The following TNS1 variants were observed in gnomAD, a reference collection of about 807,000 sequenced individuals.
TNS1 encodes tensin 1.
TNS1 carries 62 observed loss-of-function variants against 168.6 expected under a neutral mutation model. The ratio of observed to expected loss-of-function variants is 0.37; its 90% CI spans 0.30 to 0.45. The LOEUF is 0.45. TNS1 is among the 20% of genes least tolerant of loss of function. The pLI is 1.00. For synonymous variants in TNS1, 934 were observed against 933.2 expected, an observed-to-expected ratio of 1.00 and a Z score of -0.02; for missense variants, 2,240 against 2,339.4, an observed-to-expected ratio of 0.96 and a Z score of 0.88.
Position 217,835,998 on chromosome 2 carries a change from A to G in TNS1, c.3204+17T>C. The G allele has an allele frequency of 1.9e-6, 3 of 1,602,128 alleles. No individual in the cohort carries two copies. Among genetic ancestry groups the G allele is most frequent in the Non-Finnish European group, 2.6e-6 (3 of 1,171,424 alleles). On this transcript the variant is annotated intron_variant, in intron 20 of 32. Transcript: ENST00000682258. Reference sequence around the variant, plus strand: ...CCACTACCCTCCATAGCCCCAAGATACAGCTTAAGGACTCACCTCTTTGGG... The same window carrying G: ...CCACTACCCTCCATAGCCCCAAGATGCAGCTTAAGGACTCACCTCTTTGGG...
At chr2:217,827,036 C>T (rs2571435) in intron 22 of TNS1, among the ~76,000 whole-genome samples, 40,353 of 151,928 alleles carry the variant, frequency 0.27, 5,396 homozygotes, top group Middle Eastern at 0.33. Context: ...GAATTCCAAA[C>T]ATTTTAGATT....
rs115641874 is a variant in TNS1 at position 217,903,380 on chromosome 2, G to A, written c.322-2868C>T. Among the ~76,000 whole-genome samples, 595 of 152,276 alleles carry A rather than the reference G, an allele frequency of 3.9e-3. 4 individuals carry two copies. Among genetic ancestry groups the A allele is most frequent in the African/African-American group, 0.013 (540 of 41,546 alleles). ...TCACATAATCTTCTGCCTACTCCGC[G>A]TGGAGCCCCTAGGGAAAACGACTAC... On this transcript the variant is annotated intron_variant, in intron 6 of 32. Transcript: ENST00000682258.
intron 3 of TNS1, among the ~76,000 whole-genome samples, chr2:217,939,105 G>A (rs940076505): frequency 1.3e-5 from 2 of 152,026 alleles, no homozygotes; most frequent in African/African-American, 4.8e-5. Flanking sequence ...GCCAGACACC[G>A]CCCAAAGTGT....
chr2:217,996,020 CG>C (rs1401769770), intron 1 of TNS1, among the ~76,000 whole-genome samples: 1 of 152,166 alleles, frequency 6.6e-6, no homozygotes, highest in Non-Finnish European at 1.5e-5. Flanking sequence ...ACAGCCTTGG[CG>C]AGAGTCCTTG....
chr2:217,816,214 G>A (rs770785366), intron 24 of TNS1, among the ~76,000 whole-genome samples: 3 of 152,084 alleles, frequency 2.0e-5, no homozygotes, highest in South Asian at 2.1e-4. Flanking sequence ...CAGGATGTGC[G>A]GCCCTCACTC....
intron 1 of TNS1, among the ~76,000 whole-genome samples, chr2:217,998,005 G>A (rs1164600363): frequency 6.6e-6 from 1 of 152,186 alleles, no homozygotes; most frequent in Non-Finnish European, 1.5e-5. Context: ...GAAAGAGAAC[G>A]TGGGGCTACA....
Position 218,033,650 on chromosome 2 carries a change from A to C in TNS1, c.156+170T>G, listed in dbSNP as rs945589665. On this transcript the variant is annotated intron_variant, in intron 1 of 1. Transcript: ENST00000649572. This position sits in a 1 kb window ranked among gnomAD's most constrained non-coding sequence, Gnocchi z 4.3. ...CCTCTACCCAACTGGAGGCCCCTTC[A>C]CCCGGTCGTGGTCCTTCCTCCCCCT... Among the ~76,000 whole-genome samples, 1 of 151,826 alleles carries C rather than the reference A, an allele frequency of 6.6e-6. No homozygotes were observed. The highest frequency in any genetic ancestry group is 2.4e-5 in the African/African-American group (1 of 41,312).
intron 4 of TNS1, among the ~76,000 whole-genome samples, chr2:217,917,003 C>T (rs1270882232): frequency 6.6e-6 from 1 of 152,218 alleles, no homozygotes; most frequent in Non-Finnish European, 1.5e-5. Context: ...GCCCTTTCCT[C>T]CCTCTTGTGA....
At chr2:217,994,176 C>A (rs1197733561) in intron 1 of TNS1, among the ~76,000 whole-genome samples, 3 of 152,156 alleles carry the variant, frequency 2.0e-5, no homozygotes, top group African/African-American at 4.8e-5. Flanking sequence ...GGGCCTCACT[C>A]TCTGACCCCC....
intron 18 of TNS1, chr2:217,859,770 AC>A: frequency 7.9e-7 from 1 of 1,269,148 alleles, no homozygotes; most frequent in Non-Finnish European, 1.1e-6. Flanking sequence ...GTTCCCAACC[AC>A]CCAGATCCGA....
intron 22 of TNS1, chr2:217,829,937 G>T: frequency 1.2e-6 from 2 of 1,607,440 alleles, no homozygotes; most frequent in South Asian, 1.1e-5. Flanking sequence ...AAGAAGGGCA[G>T]GTGGTGAAGA....
intron 3 of TNS1, among the ~76,000 whole-genome samples, chr2:217,965,350 T>C (rs1279078882): frequency 6.6e-6 from 1 of 152,188 alleles, no homozygotes; most frequent in African/African-American, 2.4e-5. Context: ...ACCATTTTTA[T>C]ACAGCTGAGG....
chr2:217,979,776 T>A (rs536241096), intron 2 of TNS1, among the ~76,000 whole-genome samples: 22 of 152,072 alleles, frequency 1.4e-4, no homozygotes, highest in African/African-American at 5.1e-4. Context: ...CTGCTAAGGC[T>A]GGGGGGTTAG....
rs933562850 is a variant in TNS1 at position 217,996,021 on chromosome 2, G to A, written c.34-4965C>T. On this transcript the variant is annotated intron_variant, in intron 1 of 32. Transcript: ENST00000682258. The stretch of plus-strand genomic sequence containing the variant: ...CACATCTGGCTTGGACAGCCTTGGC[G>A]AGAGTCCTTGGCCCTGGGGTGGGAA... Among the ~76,000 whole-genome samples the A allele has an allele frequency of 3.9e-5, 6 of 152,276 alleles. No individual in the cohort carries two copies. The South Asian group carries it at 6.2e-4, about 16-fold the overall frequency.
rs1336736255 is a variant in TNS1 at position 217,836,124 on chromosome 2, G to T, written c.3095C>A (p.Ser1032Tyr). ...AASDGQYENQ[S>Y]PEATSPRSPG... ...GCTACGAGGGGATGTGGCTTCTGGA[G>T]ACTGGTTCTCATACTGTCCATCACT... The change falls in exon 20 of 33, where the codon TCT becomes TAT. Residue 1032 changes from serine (S) to tyrosine (Y), a missense_variant. Ser to Tyr is a moderately radical substitution (Grantham distance 144). Coordinates refer to ENST00000682258, the MANE Select transcript of TNS1 (RefSeq NM_001387777.1). 1.2e-6 allele frequency: 2 copies of T among 1,613,998 alleles called. No homozygotes were observed.
chr2:218,013,813 T>C (rs934429863), upstream of TNS1, among the ~76,000 whole-genome samples: 1 of 152,034 alleles, frequency 6.6e-6, no homozygotes, highest in Non-Finnish European at 1.5e-5. Flanking sequence ...ACCATATCCA[T>C]GCAAGCAGAG....
intron 2 of TNS1, among the ~76,000 whole-genome samples, chr2:217,985,175 T>C (rs2126068283): frequency 6.6e-6 from 1 of 152,006 alleles, no homozygotes; most frequent in South Asian, 2.1e-4. Context: ...AGCCAAAAGA[T>C]TGGACACCCT....
chr2:217,852,168 C>T (rs779646070), intron 18 of TNS1, among the ~76,000 whole-genome samples: 4 of 152,122 alleles, frequency 2.6e-5, no homozygotes, highest in Non-Finnish European at 4.4e-5. Context: ...AGACCCCAGC[C>T]GCCTGTTTCT....
chr2:217,953,815 C>T (rs982804771), intron 3 of TNS1, among the ~76,000 whole-genome samples: 9 of 152,198 alleles, frequency 5.9e-5, no homozygotes, highest in African/African-American at 1.7e-4. Context: ...ATTCCACTCC[C>T]GTCTGGCCTG....
Sources: allele counts gnomAD v4.1 joint callset (sites outside exome capture counted in the v4.1 genomes callset), GRCh38; gene constraint gnomAD v4.1.1; non-coding constraint Gnocchi (gnomAD v3.1); transcripts MANE v1.5; gene names NCBI Gene and HGNC (gene_info 2026-07-23, HGNC 2026-07-21).